Variants in TTC14 observed in about 807,000 individuals in gnomAD.
TTC14 encodes tetratricopeptide repeat protein 14.
A neutral mutation model predicts 79.9 loss-of-function variants in TTC14; 63 were observed. The ratio of observed to expected loss-of-function variants is 0.79; its 90% CI spans 0.64 to 0.97. The LOEUF is 0.97. TTC14 is among the 50% of genes least tolerant of loss of function. The pLI is 0.00. For missense variants in TTC14, 895 were observed against 894.0 expected, an observed-to-expected ratio of 1.00 and a Z score of -0.01; for synonymous variants, 335 against 309.6, an observed-to-expected ratio of 1.08 and a Z score of -0.86.
chr3:180,605,706 A>G, intron 6 of TTC14, 60 bp from the exon 7 acceptor site: 1 of 1,279,728 alleles, frequency 7.8e-7, no homozygotes, highest in Middle Eastern at 2.6e-4. Context: ...AGCAGAGTTA[A>G]GTATAGTTAC....
chr3:180,608,864 C>A, intron 11 of TTC14, 54 bp downstream of exon 11: 1 of 1,358,158 alleles, frequency 7.4e-7, no homozygotes, highest in Non-Finnish European at 9.5e-7. Context: ...GAATTGAACC[C>A]AAAGTGCCAT....
At position 180,604,856 on chromosome 3, in the gene TTC14, A is replaced by T; in HGVS notation, c.706A>T (p.Ser236Cys). The change falls in exon 6 of 12, where the codon AGT (serine) becomes TGT (cysteine). Residue 236 changes from serine to cysteine, a missense_variant. Physicochemically the swap from Ser to Cys is moderately radical, Grantham distance 112. Coordinates refer to ENST00000296015, the MANE Select transcript of TTC14 (RefSeq NM_133462.4). The stretch of plus-strand genomic sequence containing the variant: ...TTGTGTTTGTATTTTTTTAAGGAGA[A>T]GTGTTGAGCTAAATAGCAATTCTTT... Reference protein sequence around the residue: ...SEELPLYYRRSVELNSNSLES... With the variant: ...SEELPLYYRRCVELNSNSLES... 1 of 1,599,536 alleles carries T rather than the reference A, an allele frequency of 6.3e-7. No individual in the cohort carries two copies. The highest frequency in any genetic ancestry group is 8.5e-7 in the Non-Finnish European group (1 of 1,175,390).
chr3:180,602,747 C>T, intron 1 of TTC14, 144 bp from the exon 2 acceptor site: 1 of 989,430 alleles, frequency 1.0e-6, no homozygotes, highest in Non-Finnish European at 1.4e-6. Flanking sequence ...TGAGGGAATG[C>T]CTAGTTAAAA....
At chr3:180,617,316 GTGA>G (rs777832507) in intron 12 of TTC14, 17 of 486,992 alleles carry the variant, frequency 3.5e-5, no homozygotes, top group Admixed American at 2.4e-4. Context: ...ATACTTGATA[GTGA>G]TAATAAAAGA....
downstream of TTC14, among the ~76,000 whole-genome samples, chr3:180,615,470 GAGA>G (rs1717195700): frequency 6.6e-6 from 1 of 152,064 alleles, no homozygotes; most frequent in African/African-American, 2.4e-5. Context: ...GAAGAGAAGA[GAGA>G]AGCATATTGA....
rs578155735 is a variant in TTC14, at chr3:180,605,775, C to A, written c.867C>A (p.Phe289Leu). Reference protein sequence around the residue: ...SLMRGLQSKNFSEDDFASALR... With the variant: ...SLMRGLQSKNLSEDDFASALR... ...TTATTTTCTTTAATAGCAAAAATTT[C>A]TCTGAAGATGATTTTGCTTCTGCAT... is the stretch of plus-strand genomic sequence containing the variant. The change falls in exon 7 of 12, where the codon TTC becomes TTA. Residue 289 changes from phenylalanine to leucine, a missense_variant. Phe to Leu is a conservative substitution (Grantham distance 22, BLOSUM62 0). Coordinates refer to ENST00000296015, the MANE Select transcript of TTC14 (RefSeq NM_133462.4). 1.3e-6 allele frequency: 2 copies of A among 1,565,938 alleles called. No individual in the cohort carries two copies. The highest frequency in any genetic ancestry group is 2.4e-5 in the East Asian group (1 of 42,506).
At chr3:180,616,904 T>C (rs2108404545) in intron 12 of TTC14, 1 of 1,564,534 alleles carries the variant, frequency 6.4e-7, no homozygotes. Context: ...CCTGCTTCTC[T>C]GATAACTTTT....
rs59520418 is a variant in TTC14 at position 180,604,460 on chromosome 3, CT to C, written c.572-7del. 0.015 allele frequency: 19,865 copies of C among 1,290,552 alleles called. 1,477 individuals are homozygous for C. In the African/African-American group the frequency reaches 0.23, roughly 15 times the overall value. 79.9% of individuals were successfully genotyped at this position (1,290,552 alleles called of 1,614,324 possible). ...TTTTCTTACTAATCAGCTTAGTTCT[CT>C]TTTTTTTTTTCTTAAGCTGGAATCA... On this transcript the variant is annotated splice_polypyrimidine_tract_variant and intron_variant, in intron 4 of 11. Coordinates refer to ENST00000296015, the MANE Select transcript of TTC14 (RefSeq NM_133462.4).
Position 180,616,886 on chromosome 3 carries a change from T to C in TTC14, c.1775-494T>C, listed in dbSNP as rs1196118420. 5.7e-6 allele frequency: 9 copies of C among 1,586,846 alleles called. No individual in the cohort carries two copies. Among genetic ancestry groups the C allele is most frequent in the Admixed American group, 3.4e-5 (2 of 59,448 alleles). ...CCTCCGTTTCTTTACTTAGTTGAAATGAATAAGCCTGCTTCTCTGATAACT... is the reference window on the plus strand; with the variant it reads ...CCTCCGTTTCTTTACTTAGTTGAAACGAATAAGCCTGCTTCTCTGATAACT... On this transcript the variant is annotated intron_variant, in intron 12 of 12. Coordinates refer to the TTC14 transcript ENST00000382584.
chr3:180,608,270 T>C lies in TTC14; in HGVS notation c.1291-431T>C, dbSNP rs1421973203. The C allele has an allele frequency of 1.1e-5, 11 of 987,384 alleles. No homozygotes were observed. The South Asian group carries it at 2.3e-4, about 21-fold the overall frequency. The allele number at this position is 987,384 out of a possible 1,614,324, so 61.2% of individuals were successfully genotyped here. On this transcript the variant is annotated intron_variant, in intron 10 of 11. Coordinates refer to ENST00000296015, the MANE Select transcript of TTC14 (RefSeq NM_133462.4). ...AACTGGGCTGTGCTATTTTTTTAAATGGTTTGTATTTGAACATGGTGATTC... is the reference window on the plus strand; with the variant it reads ...AACTGGGCTGTGCTATTTTTTTAAACGGTTTGTATTTGAACATGGTGATTC...
Position 180,603,132 on chromosome 3 carries a change from G to A in TTC14, c.295G>A (p.Ala99Thr), listed in dbSNP as rs1268525545. The A allele has an allele frequency of 1.2e-6, 2 of 1,612,202 alleles. No individual in the cohort carries two copies. The highest frequency in any genetic ancestry group is 1.7e-6 in the Non-Finnish European group (2 of 1,179,576). The change falls in exon 3 of 12, where the codon GCA becomes ACA. Residue 99 changes from alanine to threonine, a missense_variant. Physicochemically the swap from Ala to Thr is moderately conservative, Grantham distance 58. Transcript: ENST00000296015. ...EINEDSEDHY[A>T]IMPPLEQFME... ...TAATTTTTTTTTTTTAGATCATTAT[G>A]CAATCATGCCACCTTTAGAGCAATT... is the stretch of plus-strand genomic sequence containing the variant.
chr3:180,604,677 T>A, intron 5 of TTC14, 70 bp downstream of exon 5: 1 of 1,505,204 alleles, frequency 6.6e-7, no homozygotes, highest in Non-Finnish European at 9.0e-7. Flanking sequence ...TACCACATTT[T>A]TATAACGGTT....
chr3:180,605,546 G>A lies in TTC14; in HGVS notation c.858-220G>A, dbSNP rs539733594. On this transcript the variant is annotated intron_variant, in intron 6 of 11. Transcript: ENST00000296015. ...TCCACCCGCCTCGACCTCCCAAAGT[G>A]TTGGGATTACAGGCGTGAGCCACCG... is the stretch of plus-strand genomic sequence containing the variant. The A allele has an allele frequency of 1.2e-4, 47 of 393,962 alleles. 1 individual carries two copies. Among genetic ancestry groups the A allele is most frequent in the South Asian group, 8.5e-4 (30 of 35,148 alleles). The allele number at this position is 393,962 out of a possible 1,614,324, so 24.4% of individuals were successfully genotyped here.
chr3:180,614,387 G>A (rs1033725809), downstream of TTC14: 12 of 139,458 alleles, frequency 8.6e-5, no homozygotes, highest in African/African-American at 2.6e-4. Context: ...GGGGGGTGGG[G>A]TGGGTAGGGG....
At chr3:180,604,788 T>A in intron 5 of TTC14, 64 bp from the exon 6 acceptor site, 1 of 1,515,436 alleles carries the variant, frequency 6.6e-7, no homozygotes, top group South Asian at 1.3e-5. Flanking sequence ...TGATATTATT[T>A]CTTTACTAGA....
At chr3:180,611,822 A>T (rs1282461429), downstream of TTC14, among the ~76,000 whole-genome samples, 1 of 152,184 alleles carries the variant, frequency 6.6e-6, no homozygotes, top group Non-Finnish European at 1.5e-5. Context: ...GGTCTAAGTG[A>T]GGGAGAATAA....
Position 180,610,492 on chromosome 3 carries a change from A to C in TTC14, c.2263A>C (p.Asn755His), listed in dbSNP as rs767135734. Residue 755 changes from asparagine to histidine, a missense_variant, in exon 12 of 12, where the codon AAT becomes CAT. Transcript: ENST00000296015. ...ACCTCAGAATTTACTGAATATATTT[A>C]ATCAGATAGCTGAATTTGAAAAAGA... ...NLPQNLLNIFNQIAEFEKEKG... is the reference protein window; with the variant it reads ...NLPQNLLNIFHQIAEFEKEKG... 4 of 1,591,896 alleles carry C rather than the reference A, an allele frequency of 2.5e-6. No homozygotes were observed. Among genetic ancestry groups the C allele is most frequent in the Non-Finnish European group, 3.4e-6 (4 of 1,173,902 alleles).
downstream of TTC14, among the ~76,000 whole-genome samples, chr3:180,612,449 A>G (rs1717027328): frequency 6.6e-6 from 1 of 152,142 alleles, no homozygotes; most frequent in African/African-American, 2.4e-5. Flanking sequence ...GCGTAGGCAG[A>G]ATTCATGATT....
At chr3:180,613,354 G>A (rs774199795), downstream of TTC14, among the ~76,000 whole-genome samples, 6 of 152,244 alleles carry the variant, frequency 3.9e-5, no homozygotes, top group Middle Eastern at 3.4e-3. Context: ...ATCCCCTGTC[G>A]CACCATTTGT....
Sources: allele counts gnomAD v4.1 joint callset (sites outside exome capture counted in the v4.1 genomes callset), GRCh38; gene constraint gnomAD v4.1.1; transcripts MANE v1.5; gene names NCBI Gene and HGNC (gene_info 2026-07-23, HGNC 2026-07-21).